Variants in CNTN6 observed in about 807,000 individuals in gnomAD.
CNTN6 encodes contactin 6, also known as contactin-6.
Under a neutral mutation model 122.8 loss-of-function variants are expected in CNTN6, and 137 were observed. That is an observed-to-expected ratio of 1.12 (90% CI 0.97 to 1.29). CNTN6 has a LOEUF of 1.29. Ranked by LOEUF, CNTN6 falls within the 50% of genes most tolerant of loss-of-function variation. The pLI, the probability that CNTN6 is intolerant of heterozygous loss-of-function variation, is 0.00. For synonymous variants in CNTN6, 570 were observed against 426.0 expected (o/e 1.34, Z -4.16); for missense variants, 1,634 against 1,223.4 (o/e 1.34, Z -5.01).
chr3:1,193,622 C>T lies in CNTN6; in HGVS notation c.56-27065C>T, dbSNP rs527696941. Among the ~76,000 whole-genome samples the T allele has an allele frequency of 2.6e-5, 4 of 152,142 alleles. No individual in the cohort carries two copies. The South Asian group carries it at 8.3e-4, about 32-fold the overall frequency. ...GCCAAATATGTAAATTCAACTGTTT[C>T]TCTGGGCCTCCATTTTCTCATGAAC... On this transcript the variant is annotated intron_variant, in intron 2 of 22. Transcript: ENST00000446702.
At chr3:1,144,190 T>C (rs1402643356) in intron 1 of CNTN6, among the ~76,000 whole-genome samples, 1 of 152,190 alleles carries the variant, frequency 6.6e-6, no homozygotes. Context: ...CCTTGGCTTT[T>C]GGAGTCTTTG....
rs560997165 is a variant in CNTN6, at chr3:1,388,284, A to C, written c.2704+2487A>C. Among the ~76,000 whole-genome samples the C allele has an allele frequency of 1.1e-3, 165 of 147,694 alleles. 3 individuals are homozygous for C. The highest frequency in any genetic ancestry group is 3.8e-3 in the African/African-American group (152 of 40,174). ...CCCCCGAGCAGCCTAACTGGGAGGC[A>C]CCCCCCAGCAGGGGCACACTGACAC... On this transcript the variant is annotated intron_variant, in intron 20 of 22. Coordinates refer to ENST00000446702, the MANE Select transcript of CNTN6 (RefSeq NM_001289080.2).
At chr3:1,138,605 T>C (rs2092539612) in intron 1 of CNTN6, among the ~76,000 whole-genome samples, 1 of 152,002 alleles carries the variant, frequency 6.6e-6, no homozygotes, top group Non-Finnish European at 1.5e-5. Flanking sequence ...CTTAAATACA[T>C]TAAAAAAGGG....
intron 10 of CNTN6, among the ~76,000 whole-genome samples, chr3:1,329,184 CATACATATATACATGTATGCAT>C (rs1464021852): frequency 2.0e-5 from 3 of 150,628 alleles, no homozygotes; most frequent in Non-Finnish European, 4.4e-5. Flanking sequence ...CAGAAACACA[CATACATATATACATGTATGCAT>C]ATACATGTAT....
At chr3:1,330,092 T>TA (rs766452577) in intron 11 of CNTN6, among the ~76,000 whole-genome samples, 157 bp downstream of exon 11, 5 of 151,978 alleles carry the variant, frequency 3.3e-5, no homozygotes, top group African/African-American at 4.8e-5. Context: ...AGTAAAATTG[T>TA]AAAAAACAAA....
At chr3:1,209,117 T>C (rs995645310) in intron 2 of CNTN6, among the ~76,000 whole-genome samples, 2 of 152,204 alleles carry the variant, frequency 1.3e-5, no homozygotes, top group African/African-American at 4.8e-5. Flanking sequence ...TGCATGCCAC[T>C]TCCAATATGG....
chr3:1,163,270 A>G (rs1446467519), intron 2 of CNTN6, among the ~76,000 whole-genome samples: 1 of 152,162 alleles, frequency 6.6e-6, no homozygotes, highest in African/African-American at 2.4e-5. Flanking sequence ...TGTTTCATCA[A>G]ACTTTTTCTG....
Position 1,324,475 on chromosome 3 carries a change from T to C in CNTN6, c.947-1340T>C, listed in dbSNP as rs142521189. Reference sequence around the variant, plus strand: ...ACCAAGCACATCTTGTTTTCTGTTCTGGGTTTTCTTTGGCTCCTTCGTGAG... The same window carrying C: ...ACCAAGCACATCTTGTTTTCTGTTCCGGGTTTTCTTTGGCTCCTTCGTGAG... On this transcript the variant is annotated intron_variant, in intron 8 of 22. Transcript: ENST00000446702. Among the ~76,000 whole-genome samples the C allele has an allele frequency of 8.0e-4, 120 of 149,932 alleles. 4 individuals carry two copies. The highest frequency in any genetic ancestry group is 4.0e-3 in the Admixed American group (61 of 15,160).
chr3:1,220,899 T>C, intron 3 of CNTN6, 86 bp downstream of exon 3: 1 of 1,411,620 alleles, frequency 7.1e-7, no homozygotes, highest in Non-Finnish European at 9.5e-7. Flanking sequence ...TTATAAAATG[T>C]CCTAATTTGT....
At chr3:1,381,083 G>C (rs1691801970) in intron 17 of CNTN6, among the ~76,000 whole-genome samples, 1 of 152,144 alleles carries the variant, frequency 6.6e-6, no homozygotes, top group East Asian at 1.9e-4. Context: ...GGTCTTTCTT[G>C]AGAGAGCACC....
intron 1 of CNTN6, among the ~76,000 whole-genome samples, chr3:1,145,484 A>T (rs1575011731): frequency 1.9e-5 from 1 of 52,224 alleles, no homozygotes; most frequent in Non-Finnish European, 3.4e-5. Flanking sequence ...AGAAGGAGAC[A>T]GAATTATTGG....
rs141987288 is a variant in CNTN6 at position 1,100,242 on chromosome 3, G to C, written c.-83+7122G>C. 6.4e-3 allele frequency among the ~76,000 whole-genome samples: 968 copies of C among 152,198 alleles called. 15 individuals are homozygous for C. The highest frequency in any genetic ancestry group is 0.021 in the African/African-American group (893 of 41,550). On this transcript the variant is annotated intron_variant, in intron 1 of 22. Coordinates refer to ENST00000446702, the MANE Select transcript of CNTN6 (RefSeq NM_001289080.2). ...AATTTATTTGTTGAAAATCGCTTAT[G>C]TTAGTCACATTCTAAAATAATACTG... is the stretch of plus-strand genomic sequence containing the variant.
At chr3:1,257,901 T>C (rs186762236) in intron 4 of CNTN6, among the ~76,000 whole-genome samples, 3 of 152,284 alleles carry the variant, frequency 2.0e-5, no homozygotes, top group East Asian at 1.9e-4. Context: ...AGGTCAGATA[T>C]AAAGGTTTAG....
chr3:1,306,922 T>G (rs1275394538), intron 7 of CNTN6, among the ~76,000 whole-genome samples: 1 of 152,198 alleles, frequency 6.6e-6, no homozygotes, highest in Admixed American at 6.5e-5. Flanking sequence ...TACTGACGTT[T>G]CCTCACTCAC....
At chr3:1,384,681 TATATATACACAC>T (rs778627648) in intron 19 of CNTN6, among the ~76,000 whole-genome samples, 5 of 117,650 alleles carry the variant, frequency 4.2e-5, no homozygotes, top group Admixed American at 8.9e-5. Flanking sequence ...TATATATATA[TATATATACACAC>T]ACACACACGT....
intron 11 of CNTN6, among the ~76,000 whole-genome samples, chr3:1,345,094 G>T (rs1704470031): frequency 6.6e-6 from 1 of 150,808 alleles, no homozygotes; most frequent in Admixed American, 6.6e-5. Context: ...GATGTTCTCT[G>T]TGTTTAACTA....
chr3:1,239,520 T>C (rs1035820488), intron 4 of CNTN6, among the ~76,000 whole-genome samples: 1 of 152,096 alleles, frequency 6.6e-6, no homozygotes, highest in Non-Finnish European at 1.5e-5. Flanking sequence ...AAAGAAATCA[T>C]AGATGACACA....
At chr3:1,292,983 G>C (rs1695583200) in intron 5 of CNTN6, among the ~76,000 whole-genome samples, 1 of 151,824 alleles carries the variant, frequency 6.6e-6, no homozygotes, top group Non-Finnish European at 1.5e-5. Context: ...TTTCCCACAT[G>C]ACACTACTTT....
In CNTN6 at chr3:1,200,930, T is replaced by C. The variant is rs59474307; in HGVS notation, c.56-19757T>C. On this transcript the variant is annotated intron_variant, in intron 2 of 22. Transcript: ENST00000446702. ...TTCCCTTTGTTTCTTTCGTTCTTTTTTTCTTTTTTTTTTTTTCCCAAGGTC... is the reference window on the plus strand; with the variant it reads ...TTCCCTTTGTTTCTTTCGTTCTTTTCTTCTTTTTTTTTTTTTCCCAAGGTC... Among the ~76,000 whole-genome samples, 1,300 of 149,798 alleles carry C rather than the reference T, an allele frequency of 8.7e-3. 15 individuals are homozygous for C. Among genetic ancestry groups the C allele is most frequent in the African/African-American group, 0.024 (983 of 40,836 alleles).
Sources: allele counts gnomAD v4.1 joint callset (sites outside exome capture counted in the v4.1 genomes callset), GRCh38; gene constraint gnomAD v4.1.1; transcripts MANE v1.5; gene names NCBI Gene and HGNC (gene_info 2026-07-23, HGNC 2026-07-21).